SLC25A30: variants seen among roughly 807,000 people sequenced by gnomAD.
SLC25A30 encodes the protein solute carrier family 25 member 30, also known as kidney mitochondrial carrier protein 1.
A neutral mutation model predicts 42.7 loss-of-function variants in SLC25A30; 29 were observed. That is an observed-to-expected ratio of 0.68 (90% CI 0.51 to 0.93). The LOEUF is 0.93. Ranked by LOEUF, SLC25A30 falls within the 40% of genes least tolerant of loss-of-function variation. SLC25A30 has a pLI of 0.00. For synonymous variants in SLC25A30, 124 were observed against 131.0 expected, an observed-to-expected ratio of 0.95 and a Z score of 0.37; for missense variants, 300 against 359.7, an observed-to-expected ratio of 0.83 and a Z score of 1.34.
intron 3 of SLC25A30, 109 bp from the exon 4 acceptor site, chr13:45,406,086 C>T: frequency 1.1e-6 from 1 of 947,934 alleles, no homozygotes; most frequent in Non-Finnish European, 1.6e-6. Context: ...TTCTCTAAAA[C>T]AATTTTTTTT....
At chr13:45,396,152 G>C in intron 9 of SLC25A30, 137 bp from the exon 10 acceptor site, 8 of 1,573,094 alleles carry the variant, frequency 5.1e-6, no homozygotes, top group Non-Finnish European at 6.9e-6. Flanking sequence ...TAAATAAAAG[G>C]GGTTCCACCC....
the SLC25A30 span, among the ~76,000 whole-genome samples, chr13:45,423,991 A>G: frequency 1.1e-5 from 1 of 87,956 alleles, no homozygotes; most frequent in East Asian, 3.5e-4. Flanking sequence ...ATATTTATAT[A>G]AATATATATA....
At chr13:45,419,953 GA>G (rs889586520), upstream of SLC25A30, among the ~76,000 whole-genome samples, 13 of 146,092 alleles carry the variant, frequency 8.9e-5, no homozygotes, top group African/African-American at 3.6e-4. Context: ...GCGAGAGAAA[GA>G]AAAGGAAAGG....
In SLC25A30 at chr13:45,397,848, T is replaced by C. The variant is rs556793145; in HGVS notation, c.754-510A>G. On this transcript the variant is annotated intron_variant, in intron 8 of 9. Transcript: ENST00000519676. Reference sequence around the variant, plus strand: ...ATGCCCAACAACCCCACACGAAGGATTGAATGAACTCCACACAAAGGAGAT... The same window carrying C: ...ATGCCCAACAACCCCACACGAAGGACTGAATGAACTCCACACAAAGGAGAT... 20 of 978,472 alleles carry C rather than the reference T, an allele frequency of 2.0e-5. No individual in the cohort carries two copies. The Middle Eastern group carries it at 1.6e-3, about 77-fold the overall frequency. The allele number at this position is 978,472 out of a possible 1,614,324, so 60.6% of individuals were successfully genotyped here.
intron 3 of SLC25A30, among the ~76,000 whole-genome samples, chr13:45,407,913 T>C (rs117694321): frequency 6.6e-6 from 1 of 152,338 alleles, no homozygotes; most frequent in East Asian, 1.9e-4. Context: ...TAGCCTGTCT[T>C]CTTTTTCCTC....
chr13:45,419,390 C>G (rs1189565616), upstream of SLC25A30, among the ~76,000 whole-genome samples: 3 of 151,188 alleles, frequency 2.0e-5, no homozygotes, highest in East Asian at 6.1e-4. Context: ...ACCATCTCAG[C>G]TCACTGCAAC....
intron 3 of SLC25A30, among the ~76,000 whole-genome samples, chr13:45,408,129 AG>A (rs1315354816): frequency 1.1e-4 from 17 of 152,314 alleles, no homozygotes; most frequent in African/African-American, 3.8e-4. Context: ...ACAGGTACCA[AG>A]AAAGCAGATG....
At chr13:45,414,517 G>A (rs1400422942) in intron 1 of SLC25A30, among the ~76,000 whole-genome samples, 11 of 151,960 alleles carry the variant, frequency 7.2e-5, no homozygotes, top group East Asian at 1.9e-4. Flanking sequence ...CTCAGGAGGC[G>A]GAGGCAGAAG....
At position 45,395,213 on chromosome 13, in the gene SLC25A30, C is replaced by A; in HGVS notation, c.*761G>T. 1.0e-6 allele frequency: 1 copy of A among 985,012 alleles called. No homozygotes were observed. Among genetic ancestry groups the A allele is most frequent in the Non-Finnish European group, 1.2e-6 (1 of 829,578 alleles). The allele number at this position is 985,012 out of a possible 1,614,324, so 61.0% of individuals were successfully genotyped here. ...GAAATACATATGCTTTGCTAAAAAT[C>A]ATAAAGCTAATTACTAACATGACCT... On this transcript the variant is annotated 3_prime_UTR_variant, in exon 10 of 10. Coordinates refer to ENST00000519676, the MANE Select transcript of SLC25A30 (RefSeq NM_001010875.4).
At chr13:45,401,041 T>A (rs765593483) in intron 7 of SLC25A30, 42 bp downstream of exon 7, 1 of 1,513,944 alleles carries the variant, frequency 6.6e-7, no homozygotes, top group Non-Finnish European at 8.9e-7. Context: ...ATAAACTTTC[T>A]TTAGAATTTC....
In SLC25A30 at chr13:45,397,316, A is replaced by G; in HGVS notation, c.776T>C (p.Phe259Ser). 6.2e-7 allele frequency: 1 copy of G among 1,612,072 alleles called. No homozygotes were observed. Among genetic ancestry groups the G allele is most frequent in the Non-Finnish European group, 8.5e-7 (1 of 1,178,470 alleles). ...TGGCCAAAAGCCTTTATAGAGAGCA[A>G]AAAACCCTTCATTCTTCCATGTCTG... Reference protein sequence around the residue: ...LLQTWKNEGFFALYKGFWPNW... With the variant: ...LLQTWKNEGFSALYKGFWPNW... Residue 259 changes from phenylalanine to serine, a missense_variant, in exon 9 of 10, where the codon TTT becomes TCT. By Grantham distance (155) the Phe-to-Ser change is radical (BLOSUM62 -2). Transcript: ENST00000519676.
At chr13:45,419,947 G>A (rs901916240), upstream of SLC25A30, among the ~76,000 whole-genome samples, 3 of 146,194 alleles carry the variant, frequency 2.1e-5, no homozygotes, top group African/African-American at 8.2e-5. Flanking sequence ...GACAGCGCGA[G>A]AGAAAGAAAA....
intron 5 of SLC25A30, 129 bp from the exon 6 acceptor site, chr13:45,402,499 T>C: frequency 4.0e-6 from 3 of 745,272 alleles, no homozygotes; most frequent in South Asian, 3.5e-5. Context: ...AAAACTGTCA[T>C]ATAAATACTG....
chr13:45,423,949 AT>A, the SLC25A30 span, among the ~76,000 whole-genome samples: 38 of 92,564 alleles, frequency 4.1e-4, 1 homozygote, highest in African/African-American at 9.9e-4. Flanking sequence ...ATATAAAAAA[AT>A]ATATGAATAT....
intron 4 of SLC25A30, 29 bp from the exon 5 acceptor site, chr13:45,404,441 T>C: frequency 6.6e-7 from 1 of 1,514,348 alleles, no homozygotes; most frequent in Non-Finnish European, 9.2e-7. Flanking sequence ...TATTTGACTC[T>C]ACATATTTAG....
chr13:45,397,325 T>C lies in SLC25A30; in HGVS notation c.767A>G (p.Glu256Gly), dbSNP rs1182043817. The C allele has an allele frequency of 1.2e-6, 2 of 1,610,088 alleles. No homozygotes were observed. The highest frequency in any genetic ancestry group is 2.7e-5 in the African/African-American group (2 of 74,806). ...GCCTTTATAGAGAGCAAAAAACCCT[T>C]CATTCTTCCATGTCTGTTAAAAGAA... ...LDCLLQTWKN[E>G]GFFALYKGFW... The change falls in exon 9 of 10, where the codon GAA becomes GGA. Residue 256 changes from glutamate to glycine, a missense_variant. Glu to Gly is a moderately conservative substitution (Grantham distance 98). Transcript: ENST00000519676.
At chr13:45,417,160 C>T (rs1229667259) in intron 1 of SLC25A30, among the ~76,000 whole-genome samples, 1 of 152,132 alleles carries the variant, frequency 6.6e-6, no homozygotes, top group Non-Finnish European at 1.5e-5. Flanking sequence ...ATTAGACATC[C>T]GTCACCACGC....
At chr13:45,402,954 T>A in intron 5 of SLC25A30, 1 of 281,590 alleles carries the variant, frequency 3.6e-6, no homozygotes, top group Non-Finnish European at 5.4e-6. Flanking sequence ...ATGTTTGATG[T>A]AGCTCTTTGC....
chr13:45,393,737 AG>A lies in SLC25A30; in HGVS notation c.*2236del, dbSNP rs1881115794. 11 of 985,354 alleles carry A rather than the reference AG, an allele frequency of 1.1e-5. No individual in the cohort carries two copies. In the South Asian group the frequency reaches 4.7e-4, roughly 42 times the overall value. The allele number at this position is 985,354 out of a possible 1,614,324, so 61.0% of individuals were successfully genotyped here. ...TTAACTCTTTCAAAAAAACAGAAAAAGCAGGTTAAGATCCTGTTCAATAAGG... is the reference window on the plus strand; with the variant it reads ...TTAACTCTTTCAAAAAAACAGAAAAACAGGTTAAGATCCTGTTCAATAAGG... On this transcript the variant is annotated 3_prime_UTR_variant, in exon 10 of 10. Coordinates refer to ENST00000519676, the MANE Select transcript of SLC25A30 (RefSeq NM_001010875.4).
Sources: gnomAD v4.1 joint callset for allele counts (sites outside exome capture counted in the v4.1 genomes callset) on GRCh38, gnomAD v4.1.1 for gene constraint, MANE v1.5 for transcripts, NCBI Gene and HGNC (gene_info 2026-07-23, HGNC 2026-07-21) for gene names.